CADPS: variants seen among roughly 807,000 people sequenced by gnomAD.
The protein encoded by CADPS is calcium dependent secretion activator.
A neutral mutation model predicts 167.3 loss-of-function variants in CADPS; 57 were observed. The ratio of observed to expected loss-of-function variants is 0.34; its 90% confidence interval spans 0.28 to 0.42. The LOEUF is 0.42. Among genes scored for constraint, CADPS ranks in the 20% least tolerant of loss-of-function variants. The pLI, the probability that CADPS is intolerant of heterozygous loss-of-function variation, is 1.00. For missense variants in CADPS, 1,414 were observed against 1,738.1 expected (o/e 0.81, Z 3.32); for synonymous variants, 676 against 635.3 (o/e 1.06, Z -0.96).
rs372821779 is a variant in CADPS, at chr3:62,793,767, G to A, written c.442-27783C>T. On this transcript the variant is annotated intron_variant, in intron 1 of 29. Coordinates refer to ENST00000383710, the MANE Select transcript of CADPS (RefSeq NM_003716.4). ...TATGAATGTGTGTGTGCGCACGTGC[G>A]TGTGTGTACGTGCGTGCACATGTGT... Among the ~76,000 whole-genome samples, 13 of 152,256 alleles carry A rather than the reference G, an allele frequency of 8.5e-5. No homozygotes were observed. In the East Asian group the frequency reaches 1.5e-3, roughly 18 times the overall value.
At chr3:62,418,312 T>TC in intron 28 of CADPS, among the ~76,000 whole-genome samples, 1 of 149,800 alleles carries the variant, frequency 6.7e-6, no homozygotes, top group South Asian at 2.1e-4. Flanking sequence ...CTTTTTCTTT[T>TC]CTTTTTTCTC....
chr3:62,723,719 C>T (rs10490886), intron 3 of CADPS, among the ~76,000 whole-genome samples: 11,241 of 152,220 alleles, frequency 0.074, 481 homozygotes, highest in South Asian at 0.15. Context: ...GAAGTGGAAC[C>T]CTTGCTAATT....
At chr3:62,494,669 A>ATTTTTTTTTTTTTTTTTT (rs56153630) in intron 18 of CADPS, among the ~76,000 whole-genome samples, 1 of 118,618 alleles carries the variant, frequency 8.4e-6, no homozygotes, top group Non-Finnish European at 1.7e-5. Flanking sequence ...CTTACCAGCA[A>ATTTTTTTTTTTTTTTTTT]TTTTTTTTTT....
chr3:62,727,626 A>G (rs1429983877), intron 3 of CADPS, among the ~76,000 whole-genome samples: 1 of 151,816 alleles, frequency 6.6e-6, no homozygotes, highest in South Asian at 2.1e-4. Flanking sequence ...GCTTTTCCTC[A>G]TTTAGAGGAA....
In CADPS at chr3:62,875,104, G is replaced by C. The variant is rs951465639; in HGVS notation, c.-75C>G. The C allele has an allele frequency of 1.4e-6, 2 of 1,428,768 alleles. No homozygotes were observed. The highest frequency in any genetic ancestry group is 1.9e-6 in the Non-Finnish European group (2 of 1,078,712). The allele number at this position is 1,428,768 out of a possible 1,614,324, so 88.5% of individuals were successfully genotyped here. Reference sequence around the variant, plus strand: ...AAGGTGGGGGGCGCTGGAGGCAGCCGGGGATCAGCTCTCCCGGGTGGGCGC... The same window carrying C: ...AAGGTGGGGGGCGCTGGAGGCAGCCCGGGATCAGCTCTCCCGGGTGGGCGC... On this transcript the variant is annotated 5_prime_UTR_variant, in exon 1 of 30. Transcript: ENST00000383710.
intron 24 of CADPS, 104 bp from the exon 25 acceptor site, chr3:62,466,517 G>A (rs199977325): frequency 1.5e-5 from 11 of 747,906 alleles, no homozygotes; most frequent in South Asian, 2.9e-5. Flanking sequence ...CCTGGCCTGC[G>A]GACCCCGTTT....
At chr3:62,576,749 C>A (rs2152494392) in intron 8 of CADPS, among the ~76,000 whole-genome samples, 1 of 122,238 alleles carries the variant, frequency 8.2e-6, no homozygotes, top group East Asian at 2.7e-4. Flanking sequence ...GAGATCACAC[C>A]ACTGCACTTC....
At chr3:62,744,269 C>T (rs1458490756) in intron 3 of CADPS, among the ~76,000 whole-genome samples, 1 of 151,962 alleles carries the variant, frequency 6.6e-6, no homozygotes, top group African/African-American at 2.4e-5. Context: ...AATTATGAAG[C>T]CTCCACTAAC....
chr3:62,466,587 A>T, intron 24 of CADPS, 174 bp from the exon 25 acceptor site: 1 of 660,126 alleles, frequency 1.5e-6, no homozygotes, highest in Non-Finnish European at 2.7e-6. Context: ...ATAGAGAGAG[A>T]TCTGAAGCTC....
At chr3:62,522,974 T>A (rs559296971) in intron 13 of CADPS, among the ~76,000 whole-genome samples, 2 of 152,292 alleles carry the variant, frequency 1.3e-5, no homozygotes, top group African/African-American at 4.8e-5. Context: ...ACGGCGGGCA[T>A]CTCCGGAATC....
intron 3 of CADPS, among the ~76,000 whole-genome samples, chr3:62,720,258 G>A (rs2075495290): frequency 1.3e-5 from 2 of 151,826 alleles, no homozygotes; most frequent in Admixed American, 6.6e-5. Flanking sequence ...GGCTTTATAG[G>A]AATTATCTAT....
At chr3:62,690,909 A>G (rs534869292) in intron 3 of CADPS, among the ~76,000 whole-genome samples, 1 of 152,154 alleles carries the variant, frequency 6.6e-6, no homozygotes, top group African/African-American at 2.4e-5. Context: ...TGTAATTGCT[A>G]AAACTTAGAA....
intron 1 of CADPS, among the ~76,000 whole-genome samples, chr3:62,852,981 T>A (rs2153114143): frequency 6.6e-6 from 1 of 152,354 alleles, no homozygotes; most frequent in South Asian, 2.1e-4. Flanking sequence ...ACTAATAACA[T>A]TTTCTGGCAC....
At chr3:62,451,698 A>C (rs1170143556) in intron 26 of CADPS, among the ~76,000 whole-genome samples, 3 of 152,252 alleles carry the variant, frequency 2.0e-5, no homozygotes, top group East Asian at 3.9e-4. Flanking sequence ...AAGAGCTCTG[A>C]GTTAATTTTT....
At chr3:62,859,734 G>T (rs2080415745) in intron 1 of CADPS, among the ~76,000 whole-genome samples, 1 of 152,206 alleles carries the variant, frequency 6.6e-6, no homozygotes, top group African/African-American at 2.4e-5. Context: ...CTCATAGGGA[G>T]TTGTTTCTAA....
At position 62,528,386 on chromosome 3, in the gene CADPS, T is replaced by C. The variant is rs141962517; in HGVS notation, c.2291+4485A>G. Among the ~76,000 whole-genome samples, 291 of 152,300 alleles carry C rather than the reference T, an allele frequency of 1.9e-3. 3 individuals carry two copies. The highest frequency in any genetic ancestry group is 6.6e-3 in the African/African-American group (274 of 41,570). Reference sequence around the variant, plus strand: ...TCACATGAATGTAATAAGGATAAAATGAGATAACATATATCAACAGCACTT... The same window carrying C: ...TCACATGAATGTAATAAGGATAAAACGAGATAACATATATCAACAGCACTT... On this transcript the variant is annotated intron_variant, in intron 13 of 29. Coordinates refer to ENST00000383710, the MANE Select transcript of CADPS (RefSeq NM_003716.4).
At position 62,601,500 on chromosome 3, in the gene CADPS, C is replaced by T. The variant is rs1452083; in HGVS notation, c.1326-8752G>A. Among the ~76,000 whole-genome samples, 11,519 of 152,214 alleles carry T rather than the reference C, an allele frequency of 0.076. 799 individuals are homozygous for T. The highest frequency in any genetic ancestry group is 0.18 in the African/African-American group (7,446 of 41,496). ...TTAGCAGAATGCTCATCTGGGCATA[C>T]CCACAAAGACGAACTATAAACATGC... On this transcript the variant is annotated intron_variant, in intron 6 of 29. Transcript: ENST00000383710. The surrounding 1 kb of genome is among the most constrained non-coding windows in gnomAD (Gnocchi z 4.3).
chr3:62,491,445 G>C lies in CADPS; in HGVS notation c.2920C>G (p.Gln974Glu), dbSNP rs376296834. ...ACAACAAGTGGGGCAAACAGGTCTTGCAGGTGTTTGTGAAATTTTCCATTG... is the reference window on the plus strand; with the variant it reads ...ACAACAAGTGGGGCAAACAGGTCTTCCAGGTGTTTGTGAAATTTTCCATTG... ...LCNGKFHKHL[Q>E]DLFAPLVVRY... Residue 974 changes from glutamine to glutamate, a missense_variant, in exon 21 of 30, where the codon CAA becomes GAA. Physicochemically the swap from Gln to Glu is conservative, Grantham distance 29. This residue lies in a region of CADPS where 529 missense variants were observed against 629.6 expected (regional missense o/e 0.84). Transcript: ENST00000383710. 1.2e-6 allele frequency: 2 copies of C among 1,613,840 alleles called. No individual in the cohort carries two copies. Among genetic ancestry groups the C allele is most frequent in the African/African-American group, 2.7e-5 (2 of 74,886 alleles).
chr3:62,759,796 GTC>G (rs1478420152), intron 2 of CADPS, among the ~76,000 whole-genome samples: 3 of 152,134 alleles, frequency 2.0e-5, no homozygotes, highest in Non-Finnish European at 4.4e-5. Context: ...TTTCTACATT[GTC>G]TGTTTTATTT....
Sources: allele counts gnomAD v4.1 joint callset (sites outside exome capture counted in the v4.1 genomes callset), GRCh38; gene constraint gnomAD v4.1.1; regional missense constraint gnomAD v4.1.1; non-coding constraint Gnocchi (gnomAD v3.1); transcripts MANE v1.5; gene names NCBI Gene and HGNC (gene_info 2026-07-23, HGNC 2026-07-21).